Variants in AP3D1 observed in about 807,000 individuals in gnomAD.
AP3D1 encodes the protein adaptor related protein complex 3 subunit delta 1, also known as AP-3 complex subunit delta-1.
A neutral mutation model predicts 147.6 loss-of-function variants in AP3D1; 51 were observed. The observed-to-expected ratio is 0.35, with a 90% CI of 0.28 to 0.44. The LOEUF is 0.44. AP3D1 is among the 20% of genes least tolerant of loss of function. The pLI, the probability that AP3D1 is intolerant of heterozygous loss-of-function variation, is 1.00. For synonymous variants in AP3D1, 760 were observed against 663.0 expected (o/e 1.15, Z -2.25); for missense variants, 1,421 against 1,624.2 (o/e 0.87, Z 2.15).
rs545969163 is a variant in AP3D1 at position 2,145,103 on chromosome 19, A to G, written c.96+6136T>C. Among the ~76,000 whole-genome samples, 5 of 152,300 alleles carry G rather than the reference A, an allele frequency of 3.3e-5. No individual in the cohort carries two copies. In the East Asian group the frequency reaches 9.6e-4, roughly 29 times the overall value. On this transcript the variant is annotated intron_variant, in intron 1 of 31. Transcript: ENST00000643116. ...TTTTGTGGCATGTAAATTATATCTC[A>G]ACTGTTCAAAGAAAGGAACCACCTT...
chr19:2,129,185 G>C (rs372262269), intron 7 of AP3D1, 22 bp from the exon 8 acceptor site: 1 of 1,605,908 alleles, frequency 6.2e-7, no homozygotes, highest in African/African-American at 1.4e-5. Context: ...GCAGGGCCTC[G>C]GTCACCCGCA....
At chr19:2,135,501 T>A (rs2019052534) in intron 4 of AP3D1, among the ~76,000 whole-genome samples, 1 of 151,784 alleles carries the variant, frequency 6.6e-6, no homozygotes, top group African/African-American at 2.4e-5. Context: ...ACGCCACTGC[T>A]CTCCAGCCTG....
intron 9 of AP3D1, among the ~76,000 whole-genome samples, chr19:2,124,640 A>G (rs2018701970): frequency 6.6e-6 from 1 of 152,108 alleles, no homozygotes; most frequent in Non-Finnish European, 1.5e-5. Flanking sequence ...TGAGGACGCA[A>G]AAGCATAACA....
chr19:2,102,021 T>G lies in AP3D1; in HGVS notation c.*152A>C, dbSNP rs960590669. The stretch of plus-strand genomic sequence containing the variant: ...TGGTCAGATAATTCAACGCAACAAA[T>G]GACCTCGGATGTCTACACGGCGGAC... On this transcript the variant is annotated 3_prime_UTR_variant, in exon 32 of 32. Coordinates refer to ENST00000643116, the MANE Select transcript of AP3D1 (RefSeq NM_001261826.3). The G allele has an allele frequency of 6.3e-6, 4 of 630,056 alleles. No homozygotes were observed. The East Asian group carries it at 8.5e-5, about 13-fold the overall frequency. The allele number at this position is 630,056 out of a possible 1,614,324, so 39.0% of individuals were successfully genotyped here. A position where few individuals can be genotyped will look rare whatever the true frequency, so the allele number is the denominator to read the frequency against.
intron 1 of AP3D1, among the ~76,000 whole-genome samples, chr19:2,159,221 C>CT (rs1226347011): frequency 1.3e-3 from 179 of 139,556 alleles, no homozygotes; most frequent in South Asian, 3.2e-3. Context: ...ATCTCTCTCT[C>CT]TTTTTTTTTT....
At chr19:2,102,291 T>C (rs896864141) in intron 31 of AP3D1, 23 bp from the exon 32 acceptor site, 1 of 1,597,696 alleles carries the variant, frequency 6.3e-7, no homozygotes, top group African/African-American at 1.3e-5. Context: ...AAAAGATGGA[T>C]ATTTTAAAAG....
At chr19:2,162,109 C>G (rs924075201) in intron 1 of AP3D1, among the ~76,000 whole-genome samples, 4 of 146,732 alleles carry the variant, frequency 2.7e-5, no homozygotes, top group Non-Finnish European at 4.5e-5. Context: ...GATCTCGGGT[C>G]ACTGCAGCCT....
At chr19:2,117,472 C>A (rs1599455242) in intron 15 of AP3D1, 105 bp from the exon 16 acceptor site, 16 of 1,267,702 alleles carry the variant, frequency 1.3e-5, no homozygotes, top group Admixed American at 5.9e-5. Context: ...CGTGTGGGCC[C>A]CCTGGTACAG....
intron 4 of AP3D1, among the ~76,000 whole-genome samples, chr19:2,134,807 G>C (rs985729282): frequency 1.3e-5 from 2 of 151,244 alleles, no homozygotes; most frequent in Non-Finnish European, 3.0e-5. Flanking sequence ...CACCATGTTG[G>C]TCAGGCTAGT....
intron 1 of AP3D1, among the ~76,000 whole-genome samples, chr19:2,145,192 C>A (rs940798255): frequency 3.3e-5 from 5 of 152,252 alleles, no homozygotes; most frequent in Non-Finnish European, 7.3e-5. Flanking sequence ...ATCTGGACCG[C>A]AGCTCCCTGA....
intron 25 of AP3D1, 33 bp from the exon 26 acceptor site, chr19:2,111,365 G>GC (rs759511585): frequency 2.5e-6 from 4 of 1,613,254 alleles, no homozygotes; most frequent in Non-Finnish European, 3.4e-6. Flanking sequence ...AGCCTTGGGG[G>GC]CCCCGAGCTC....
At chr19:2,163,928 G>A (rs1207269657) in intron 1 of AP3D1, among the ~76,000 whole-genome samples, 1 of 149,632 alleles carries the variant, frequency 6.7e-6, no homozygotes, top group Non-Finnish European at 1.5e-5. Flanking sequence ...CCCGGCCCCC[G>A]GCTCATTGTG....
At position 2,151,233 on chromosome 19, in the gene AP3D1, G is replaced by C; in HGVS notation, c.96+6C>G. 2 of 1,609,274 alleles carry C rather than the reference G, an allele frequency of 1.2e-6. No individual in the cohort carries two copies. The highest frequency in any genetic ancestry group is 1.7e-6 in the Non-Finnish European group (2 of 1,177,714). ...GCCGAGCAGCCCCTTGGCGCGCCGG[G>C]CTCACCTCGTCCTCCTTGTGGTTAC... is the stretch of plus-strand genomic sequence containing the variant. On this transcript the variant is annotated splice_donor_region_variant and intron_variant, in intron 1 of 31. Coordinates refer to ENST00000643116, the MANE Select transcript of AP3D1 (RefSeq NM_001261826.3).
At chr19:2,156,100 G>T (rs983135785), upstream of AP3D1, among the ~76,000 whole-genome samples, 1 of 151,722 alleles carries the variant, frequency 6.6e-6, no homozygotes, top group Non-Finnish European at 1.5e-5. Context: ...GTTTTGACAA[G>T]AGTGCTGATT....
intron 1 of AP3D1, chr19:2,164,192 A>C: frequency 3.5e-6 from 4 of 1,146,890 alleles, no homozygotes; most frequent in African/African-American, 1.7e-5. Context: ...GACATGGGGG[A>C]GAAGCTGGAG....
chr19:2,156,307 T>G (rs897920866), upstream of AP3D1, among the ~76,000 whole-genome samples: 2 of 152,104 alleles, frequency 1.3e-5, no homozygotes, highest in Middle Eastern at 6.8e-3. Context: ...CCCCAAATTA[T>G]CCATCCTTTC....
At position 2,118,667 on chromosome 19, in the gene AP3D1, G is replaced by A; in HGVS notation, c.1647C>T (p.Val549=). ...QAGEAEGAQA[V]TQLMVDRLPQ... ...GCAGCCGGTCCACCATGAGCTGGGT[G>A]ACGGCCTGAGCGCCCTCTGCCTCCC... Residue 549 remains valine (V), a synonymous_variant, in exon 15 of 32, where the codon GTC becomes GTT. Coordinates refer to ENST00000643116, the MANE Select transcript of AP3D1 (RefSeq NM_001261826.3). 1 of 1,612,998 alleles carries A rather than the reference G, an allele frequency of 6.2e-7. No homozygotes were observed. The highest frequency in any genetic ancestry group is 1.1e-5 in the South Asian group (1 of 91,088).
intron 25 of AP3D1, 81 bp from the exon 26 acceptor site, chr19:2,111,413 G>T: frequency 6.5e-7 from 1 of 1,537,386 alleles, no homozygotes; most frequent in African/African-American, 1.4e-5. Flanking sequence ...CAATACCCCA[G>T]GTCGAATGCC....
intron 1 of AP3D1, among the ~76,000 whole-genome samples, chr19:2,140,755 C>CTTTTTTTT: frequency 9.3e-6 from 1 of 107,196 alleles, no homozygotes; most frequent in Non-Finnish European, 1.9e-5. Flanking sequence ...ACACAAACGT[C>CTTTTTTTT]TTTTTTTTTT....
Sources: allele counts gnomAD v4.1 joint callset (sites outside exome capture counted in the v4.1 genomes callset), GRCh38; gene constraint gnomAD v4.1.1; transcripts MANE v1.5; gene names NCBI Gene and HGNC (gene_info 2026-07-23, HGNC 2026-07-21).